TMEM176B: variants seen among roughly 807,000 people sequenced by gnomAD.
The protein encoded by TMEM176B is transmembrane protein 176B.
In TMEM176B, 28 loss-of-function variants were observed where a neutral mutation model predicts 30.3. That is an observed-to-expected ratio of 0.92 (90% CI 0.68 to 1.27). The LOEUF is 1.27. TMEM176B is among the 50% of genes most tolerant of loss of function. The probability of loss-of-function intolerance (pLI) is 0.00; values close to 1 mark genes in which losing one functional copy is unlikely to be tolerated. For missense variants in TMEM176B, 349 were observed against 327.4 expected (o/e 1.07, Z -0.51); for synonymous variants, 123 against 130.3 (o/e 0.94, Z 0.38).
At chr7:150,797,733 G>T (rs186925339) in intron 1 of TMEM176B, among the ~76,000 whole-genome samples, 1 of 152,032 alleles carries the variant, frequency 6.6e-6, no homozygotes, top group African/African-American at 2.4e-5. Context: ...CAAGTGACTC[G>T]ATTATGATTC....
In TMEM176B at chr7:150,796,467, G is replaced by C. The variant is rs756904639; in HGVS notation, c.103C>G (p.Gln35Glu). Reference protein sequence around the residue: ...VHIHQESALTQLLKAGGSLKK... With the variant: ...VHIHQESALTELLKAGGSLKK... ...AGAGAACCTCCAGCTTTCAGCAGTT[G>C]TGTCAAAGCTGACTCCTGGTGGATG... The change falls in exon 2 of 7, where the codon CAA becomes GAA. Residue 35 changes from glutamine to glutamate, a missense_variant. By Grantham distance (29) the Gln-to-Glu change is conservative. Coordinates refer to ENST00000326442, the MANE Select transcript of TMEM176B (RefSeq NM_001101312.2). 5 of 1,614,084 alleles carry C rather than the reference G, an allele frequency of 3.1e-6. No individual in the cohort carries two copies. In the East Asian group the frequency reaches 1.1e-4, roughly 36 times the overall value.
At chr7:150,793,709 GGACA>G (rs72471023) in intron 3 of TMEM176B, 109 bp from the exon 4 acceptor site, 476,360 of 1,204,400 alleles carry the variant, frequency 0.4, 98,560 homozygotes, top group East Asian at 0.56. Context: ...AGGATCCCAG[GGACA>G]GACAAAGAAC....
chr7:150,794,546 C>G (rs968846445), intron 2 of TMEM176B, among the ~76,000 whole-genome samples: 3 of 151,938 alleles, frequency 2.0e-5, no homozygotes, highest in East Asian at 3.9e-4. Context: ...GTTGTCAGCT[C>G]CTTCAGGGTC....
chr7:150,796,661 T>A, intron 1 of TMEM176B, 87 bp from the exon 2 acceptor site: 1 of 1,359,124 alleles, frequency 7.4e-7, no homozygotes, highest in Non-Finnish European at 1.0e-6. Context: ...AGAAATAGTG[T>A]CTTTGTCAAG....
intron 2 of TMEM176B, among the ~76,000 whole-genome samples, chr7:150,794,910 CACA>C (rs1798464516): frequency 9.9e-5 from 2 of 20,198 alleles, no homozygotes; most frequent in African/African-American, 5.1e-4. Context: ...CCTACTACCA[CACA>C]CACACACACA....
upstream of TMEM176B, chr7:150,800,883 G>A (rs1216541855): frequency 5.1e-6 from 5 of 984,714 alleles, no homozygotes; most frequent in Admixed American, 1.8e-4. Context: ...CACGCACCCC[G>A]AGCTGCCTCC....
At chr7:150,793,415 A>T in intron 4 of TMEM176B, 100 bp from the exon 5 acceptor site, 1 of 1,508,606 alleles carries the variant, frequency 6.6e-7, no homozygotes, top group Non-Finnish European at 9.1e-7. Flanking sequence ...GCCCTTGTCC[A>T]GGAAACCCTC....
chr7:150,795,303 G>A (rs1798483048), intron 2 of TMEM176B, among the ~76,000 whole-genome samples: 1 of 152,180 alleles, frequency 6.6e-6, no homozygotes, highest in African/African-American at 2.4e-5. Context: ...CATTCATGAA[G>A]CCCATTCCCT....
intron 2 of TMEM176B, among the ~76,000 whole-genome samples, chr7:150,794,847 C>A (rs1417857763): frequency 6.6e-6 from 1 of 151,812 alleles, no homozygotes; most frequent in Non-Finnish European, 1.5e-5. Context: ...GAAAACCCAA[C>A]TGTCACCACC....
At position 150,793,619 on chromosome 7, in the gene TMEM176B, A is replaced by G; in HGVS notation, c.316-19T>C. Reference sequence around the variant, plus strand: ...CGATCACCTGAAAAGAGACACCAGAAAAAGGCCTCCAGTTTACTCTTCTGA... The same window carrying G: ...CGATCACCTGAAAAGAGACACCAGAGAAAGGCCTCCAGTTTACTCTTCTGA... On this transcript the variant is annotated intron_variant, in intron 3 of 6. Transcript: ENST00000326442. 2 of 1,612,236 alleles carry G rather than the reference A, an allele frequency of 1.2e-6. No homozygotes were observed. Among genetic ancestry groups the G allele is most frequent in the East Asian group, 2.2e-5 (1 of 44,872 alleles).
Position 150,796,521 on chromosome 7 carries a change from GC to G in TMEM176B, c.48del (p.Arg16SerfsTer18). The G allele has an allele frequency of 6.2e-7, 1 of 1,614,224 alleles. No individual in the cohort carries two copies. Among genetic ancestry groups the G allele is most frequent in the Non-Finnish European group, 8.5e-7 (1 of 1,180,050 alleles). On this transcript the variant is annotated frameshift_variant, in exon 2 of 7. Coordinates refer to ENST00000326442, the MANE Select transcript of TMEM176B (RefSeq NM_001101312.2). LOFTEE classifies it high-confidence loss of function. ...ACGTTGACGTGGGTGGGCTGGGATGGCCTAGAGGCCATAGCAACTCCATTCA... is the reference window on the plus strand; with the variant it reads ...ACGTTGACGTGGGTGGGCTGGGATGGCTAGAGGCCATAGCAACTCCATTCA... ...VIVNGVAMAS[R>X]PSQPTHVNVH...
intron 1 of TMEM176B, among the ~76,000 whole-genome samples, chr7:150,797,445 G>A (rs11773687): frequency 0.25 from 38,317 of 152,082 alleles, 5,327 homozygotes; most frequent in African/African-American, 0.35. Flanking sequence ...TCATGTGCAC[G>A]TTCAGGGAGG....
Position 150,793,378 on chromosome 7 carries a change from C to T in TMEM176B, c.373-63G>A, listed in dbSNP as rs533004084. The T allele has an allele frequency of 8.1e-5, 125 of 1,534,666 alleles. 1 individual carries two copies. In the East Asian group the frequency reaches 8.5e-4, roughly 10 times the overall value. On this transcript the variant is annotated intron_variant, in intron 4 of 6. Transcript: ENST00000326442. ...ATCGGTGGAAGAGTCATGAGGTCCCCGCCTCAAATCCCTCTCCTCTTCCCC... is the reference window on the plus strand; with the variant it reads ...ATCGGTGGAAGAGTCATGAGGTCCCTGCCTCAAATCCCTCTCCTCTTCCCC...
At chr7:150,800,910 G>A (rs1052575214), upstream of TMEM176B, 1 of 985,644 alleles carries the variant, frequency 1.0e-6, no homozygotes, top group Non-Finnish European at 1.2e-6. Context: ...TTGGAGGAGC[G>A]TAGGAGGGAC....
At chr7:150,793,343 C>G (rs2072442) in intron 4 of TMEM176B, 28 bp from the exon 5 acceptor site, 907,787 of 1,598,824 alleles carry the variant, frequency 0.57, 259,032 homozygotes, top group East Asian at 0.64. Flanking sequence ...TCATGACACA[C>G]GCTCCTTCAA....
Position 150,793,534 on chromosome 7 carries a change from C to G in TMEM176B, c.372+10G>C. 6.2e-7 allele frequency: 1 copy of G among 1,612,752 alleles called. No homozygotes were observed. Among genetic ancestry groups the G allele is most frequent in the African/African-American group, 1.3e-5 (1 of 74,986 alleles). ...GTGAACAAGGTGGAGAGAGGGTGTC[C>G]AAGACTCACAGCAAGTTTGCCCGGG... On this transcript the variant is annotated intron_variant, in intron 4 of 6. Coordinates refer to ENST00000326442, the MANE Select transcript of TMEM176B (RefSeq NM_001101312.2).
In TMEM176B at chr7:150,793,194, TCA is replaced by T. The variant is rs1270010941; in HGVS notation, c.492_493del (p.Cys164Ter). 1.1e-5 allele frequency: 18 copies of T among 1,614,234 alleles called. No individual in the cohort carries two copies. In the South Asian group the frequency reaches 2.0e-4, roughly 18 times the overall value. ...GGTAGGGAAGACAGGGTCTGAGCGA[TCA>T]CACACAGTGTCGATGTATAAAAAGG... On this transcript the variant is annotated stop_gained and frameshift_variant, in exon 5 of 7. Transcript: ENST00000326442. LOFTEE classifies it high-confidence loss of function.
At chr7:150,795,765 C>T (rs59056007) in intron 2 of TMEM176B, among the ~76,000 whole-genome samples, 3,984 of 152,266 alleles carry the variant, frequency 0.026, 179 homozygotes, top group African/African-American at 0.089. Flanking sequence ...TCTGTGGGGA[C>T]ACTTACAACT....
chr7:150,799,243 T>C (rs1483085657), intron 1 of TMEM176B, among the ~76,000 whole-genome samples: 2 of 152,278 alleles, frequency 1.3e-5, no homozygotes, highest in African/African-American at 4.8e-5. Flanking sequence ...AATTCTCTCC[T>C]GAGCAGAAAT....
Sources: gnomAD v4.1 joint callset for allele counts (sites outside exome capture counted in the v4.1 genomes callset) on GRCh38, gnomAD v4.1.1 for gene constraint, MANE v1.5 for transcripts, NCBI Gene and HGNC (gene_info 2026-07-23, HGNC 2026-07-21) for gene names.